The following AUTS2 variants were observed in gnomAD, a reference collection of about 807,000 sequenced individuals.
AUTS2 encodes the protein activator of transcription and developmental regulator AUTS2.
A neutral mutation model predicts 112.4 loss-of-function variants in AUTS2; 17 were observed. That is an observed-to-expected ratio of 0.15 (90% CI 0.10 to 0.23). AUTS2 has a LOEUF of 0.23. Among genes scored for constraint, AUTS2 ranks in the 10% least tolerant of loss-of-function variants. The pLI, the probability that AUTS2 is intolerant of heterozygous loss-of-function variation, is 1.00. For synonymous variants in AUTS2, 751 were observed against 702.7 expected, an observed-to-expected ratio of 1.07 and a Z score of -1.09; for missense variants, 1,510 against 1,701.6, an observed-to-expected ratio of 0.89 and a Z score of 1.98.
At position 70,147,606 on chromosome 7, in the gene AUTS2, A is replaced by G. The variant is rs140316036; in HGVS notation, c.660+13035A>G. 3.0e-3 allele frequency among the ~76,000 whole-genome samples: 464 copies of G among 152,250 alleles called. 9 individuals carry two copies. Among genetic ancestry groups the G allele is most frequent in the Admixed American group, 0.027 (418 of 15,266 alleles). ...AAGCACATGTTTTCCTATTTGATGA[A>G]AAATAGTCTTAAAGGAAGGTTTGTT... On this transcript the variant is annotated intron_variant, in intron 4 of 18. Transcript: ENST00000342771.
chr7:70,579,018 C>G (rs2129526820), intron 5 of AUTS2, among the ~76,000 whole-genome samples: 1 of 149,908 alleles, frequency 6.7e-6, no homozygotes, highest in South Asian at 2.1e-4. Flanking sequence ...CCTCAACCTC[C>G]CCAGGGTTCA....
intron 4 of AUTS2, among the ~76,000 whole-genome samples, chr7:70,146,241 T>C (rs1249646455): frequency 6.6e-6 from 1 of 152,096 alleles, no homozygotes; most frequent in Non-Finnish European, 1.5e-5. Context: ...GTTCAGAATC[T>C]ATTATTTTAG....
chr7:70,301,185 G>A (rs539014296), intron 4 of AUTS2, among the ~76,000 whole-genome samples: 1 of 152,186 alleles, frequency 6.6e-6, no homozygotes, highest in Non-Finnish European at 1.5e-5. Context: ...TACCACATCT[G>A]TTAAAGTATG....
chr7:69,601,046 C>T (rs1315256106), intron 1 of AUTS2, among the ~76,000 whole-genome samples: 6 of 152,002 alleles, frequency 3.9e-5, no homozygotes, highest in Non-Finnish European at 8.8e-5. Context: ...CTGTCTTTGC[C>T]TGGACCTGTC....
intron 1 of AUTS2, among the ~76,000 whole-genome samples, chr7:69,672,248 G>A (rs1056057912): frequency 2.0e-5 from 3 of 151,830 alleles, no homozygotes; most frequent in East Asian, 1.9e-4. Flanking sequence ...TAGTAGAGAC[G>A]GGGTTTCTCC....
intron 5 of AUTS2, among the ~76,000 whole-genome samples, chr7:70,445,290 C>T (rs1438284089): frequency 6.6e-6 from 1 of 152,142 alleles, no homozygotes. Context: ...TCTTCCCATG[C>T]CGTGCTGCTT....
chr7:70,175,088 A>C lies in AUTS2; in HGVS notation c.660+40517A>C, dbSNP rs73705823. ...CCCCATTCTAGATGCCATTAAGAAC[A>C]TTCATGACATATAGGAGGAAATCAA... is the stretch of plus-strand genomic sequence containing the variant. On this transcript the variant is annotated intron_variant, in intron 4 of 18. Coordinates refer to ENST00000342771, the MANE Select transcript of AUTS2 (RefSeq NM_015570.4). 1.6e-3 allele frequency among the ~76,000 whole-genome samples: 249 copies of C among 152,338 alleles called. 1 individual carries two copies. Among genetic ancestry groups the C allele is most frequent in the African/African-American group, 5.7e-3 (238 of 41,580 alleles).
At chr7:69,702,281 T>C (rs1797851441) in intron 1 of AUTS2, among the ~76,000 whole-genome samples, 1 of 152,184 alleles carries the variant, frequency 6.6e-6, no homozygotes, top group African/African-American at 2.4e-5. Flanking sequence ...CTGCAATATC[T>C]TCCTGGGAAA....
At chr7:69,776,143 T>C (rs951329707) in intron 1 of AUTS2, among the ~76,000 whole-genome samples, 3 of 152,236 alleles carry the variant, frequency 2.0e-5, no homozygotes, top group Non-Finnish European at 4.4e-5. Flanking sequence ...GGCACAGTTA[T>C]AGCTTCTAAT....
chr7:69,898,607 C>A (rs1236335506), intron 1 of AUTS2, among the ~76,000 whole-genome samples: 1 of 152,234 alleles, frequency 6.6e-6, no homozygotes, highest in East Asian at 1.9e-4. Context: ...AGATGCAGTT[C>A]CCCATTCAAG....
chr7:70,596,019 G>A (rs1189069511), intron 5 of AUTS2: 2 of 152,254 alleles, frequency 1.3e-5, no homozygotes. Context: ...CAGCCAATCC[G>A]CTGGTGCACT....
chr7:69,816,079 A>G (rs1417564534), intron 1 of AUTS2, among the ~76,000 whole-genome samples: 1 of 152,176 alleles, frequency 6.6e-6, no homozygotes, highest in African/African-American at 2.4e-5. Context: ...TCTGAAATCA[A>G]AGTACTGTAG....
At position 70,764,989 on chromosome 7, in the gene AUTS2, C is replaced by T. The variant is rs528878518; in HGVS notation, c.1452C>T (p.Ala484=). ...SGSLQVAGHP[A]GSTYSEQDIL... ...GTCTGCAGGTGGCCGGACACCCGGC[C>T]GGGAGCACTTACTCAGGTAGGACGG... Residue 484 remains alanine (A), a synonymous_variant, in exon 8 of 19, where the codon GCC becomes GCT. Transcript: ENST00000342771. 2.0e-5 allele frequency: 33 copies of T among 1,613,712 alleles called. No individual in the cohort carries two copies. The highest frequency in any genetic ancestry group is 2.5e-5 in the Non-Finnish European group (30 of 1,179,994).
chr7:70,267,554 G>C (rs1027988518), intron 4 of AUTS2, among the ~76,000 whole-genome samples: 1 of 152,142 alleles, frequency 6.6e-6, no homozygotes, highest in Non-Finnish European at 1.5e-5. Context: ...GCTGAGAGGG[G>C]GACAGAGGCA....
At position 70,039,602 on chromosome 7, in the gene AUTS2, G is replaced by A. The variant is rs140338149; in HGVS notation, c.523-78530G>A. ...CTGACCTCAGGTGATCCCTGCCTTG[G>A]CCTTCCAAATTGCTGGGATTACAGG... is the stretch of plus-strand genomic sequence containing the variant. On this transcript the variant is annotated intron_variant, in intron 2 of 18. Coordinates refer to ENST00000342771, the MANE Select transcript of AUTS2 (RefSeq NM_015570.4). Among the ~76,000 whole-genome samples the A allele has an allele frequency of 1.3e-3, 192 of 152,218 alleles. 1 individual carries two copies. The East Asian group carries it at 0.013, about 10-fold the overall frequency.
At chr7:70,090,255 A>G (rs1327295198) in intron 2 of AUTS2, among the ~76,000 whole-genome samples, 2 of 151,770 alleles carry the variant, frequency 1.3e-5, no homozygotes, top group African/African-American at 4.8e-5. Context: ...TTTTGTTTCA[A>G]CTCTCTTGTT....
chr7:70,417,757 C>G (rs1000860018), intron 4 of AUTS2, among the ~76,000 whole-genome samples: 3 of 152,122 alleles, frequency 2.0e-5, no homozygotes, highest in Non-Finnish European at 4.4e-5. Flanking sequence ...TCCATTCATC[C>G]CATAGAAGCC....
chr7:70,039,779 A>T lies in AUTS2; in HGVS notation c.523-78353A>T, dbSNP rs1302517299. On this transcript the variant is annotated intron_variant, in intron 2 of 18. Transcript: ENST00000342771. ...TAATTTGTTGTATATTTCACATGACAGTGATACGAGGGATAATTGATTATT... is the reference window on the plus strand; with the variant it reads ...TAATTTGTTGTATATTTCACATGACTGTGATACGAGGGATAATTGATTATT... Among the ~76,000 whole-genome samples, 38 of 152,198 alleles carry T rather than the reference A, an allele frequency of 2.5e-4. 1 individual carries two copies. The highest frequency in any genetic ancestry group is 2.5e-3 in the Admixed American group (38 of 15,280).
At chr7:70,597,847 C>G (rs147168140) in intron 5 of AUTS2, among the ~76,000 whole-genome samples, 3 of 152,186 alleles carry the variant, frequency 2.0e-5, no homozygotes, top group Non-Finnish European at 2.9e-5. Context: ...TTATGCCACT[C>G]TGTACCTTGA....
Sources: gnomAD v4.1 joint callset for allele counts (sites outside exome capture counted in the v4.1 genomes callset) on GRCh38, gnomAD v4.1.1 for gene constraint, MANE v1.5 for transcripts, NCBI Gene and HGNC (gene_info 2026-07-23, HGNC 2026-07-21) for gene names.